Variants in KLHL29 observed in about 807,000 individuals in gnomAD.
The protein encoded by KLHL29 is kelch like family member 29.
Under a neutral mutation model 80.4 loss-of-function variants are expected in KLHL29, and 21 were observed. The observed-to-expected ratio is 0.26, with a 90% CI of 0.19 to 0.38. KLHL29 has a LOEUF of 0.38. KLHL29 is among the 10% of genes least tolerant of loss of function. The pLI is 1.00. For missense variants in KLHL29, 867 were observed against 1,223.9 expected (o/e 0.71, Z 4.35); for synonymous variants, 511 against 526.8 (o/e 0.97, Z 0.41).
chr2:23,629,618 G>A (rs1669418470), intron 3 of KLHL29, among the ~76,000 whole-genome samples: 1 of 152,190 alleles, frequency 6.6e-6, no homozygotes, highest in Non-Finnish European at 1.5e-5. Flanking sequence ...ACATTCCAGA[G>A]CACGGTGCAA....
At chr2:23,490,376 G>A (rs1572353390) in intron 2 of KLHL29, among the ~76,000 whole-genome samples, 1 of 152,128 alleles carries the variant, frequency 6.6e-6, no homozygotes, top group Non-Finnish European at 1.5e-5. Context: ...GACAACACTC[G>A]GACAGCACAC....
chr2:23,530,452 C>A (rs528316817), intron 2 of KLHL29, among the ~76,000 whole-genome samples: 1 of 152,282 alleles, frequency 6.6e-6, no homozygotes, highest in Non-Finnish European at 1.5e-5. Context: ...TCAATTAGAG[C>A]CATCTGCACG....
intron 1 of KLHL29, among the ~76,000 whole-genome samples, chr2:23,391,348 G>A (rs376751769): frequency 2.0e-5 from 3 of 152,172 alleles, no homozygotes; most frequent in African/African-American, 4.8e-5. Context: ...TGAGAATAAC[G>A]CTGCTGTGAA....
intron 2 of KLHL29, among the ~76,000 whole-genome samples, chr2:23,506,572 G>T (rs145942242): frequency 1.8e-4 from 27 of 152,330 alleles, no homozygotes; most frequent in Non-Finnish European, 3.2e-4. Context: ...TGGCCCAAGT[G>T]GGGTACTCAA....
At chr2:23,541,865 A>G (rs1436536448) in intron 2 of KLHL29, among the ~76,000 whole-genome samples, 1 of 151,804 alleles carries the variant, frequency 6.6e-6, no homozygotes, top group Non-Finnish European at 1.5e-5. Context: ...TGAGGCCCCA[A>G]GTCCAGATCC....
intron 2 of KLHL29, among the ~76,000 whole-genome samples, chr2:23,519,336 C>G (rs971812798): frequency 5.9e-5 from 9 of 152,090 alleles, no homozygotes; most frequent in Admixed American, 3.3e-4. Flanking sequence ...CCCCTCCCCC[C>G]CAGGCTCCCT....
intron 1 of KLHL29, among the ~76,000 whole-genome samples, chr2:23,436,993 A>C (rs1048026833): frequency 6.6e-6 from 1 of 152,198 alleles, no homozygotes; most frequent in Non-Finnish European, 1.5e-5. Flanking sequence ...CACACACCAG[A>C]AAGGAACTGG....
At chr2:23,508,845 C>G (rs1038014417) in intron 2 of KLHL29, among the ~76,000 whole-genome samples, 1 of 152,318 alleles carries the variant, frequency 6.6e-6, no homozygotes, top group East Asian at 1.9e-4. Flanking sequence ...CAGCCTAGCA[C>G]AGCAAAAGGC....
chr2:23,476,301 A>G (rs986926557), intron 2 of KLHL29, among the ~76,000 whole-genome samples: 3 of 152,034 alleles, frequency 2.0e-5, no homozygotes, highest in African/African-American at 7.3e-5. Context: ...TTTTATAATT[A>G]AGTTTTGGTA....
chr2:23,597,725 C>G (rs986858291), intron 3 of KLHL29, among the ~76,000 whole-genome samples: 2 of 152,054 alleles, frequency 1.3e-5, no homozygotes, highest in Non-Finnish European at 2.9e-5. Context: ...GTGCCCGGCC[C>G]TGTTCACCCG....
intron 1 of KLHL29, among the ~76,000 whole-genome samples, chr2:23,426,839 C>CG (rs1212292398): frequency 6.6e-6 from 1 of 152,168 alleles, no homozygotes; most frequent in Admixed American, 6.6e-5. Context: ...TGTGTTCTAG[C>CG]GGGGGGTGAT....
At chr2:23,659,178 ATGTGCGGGAGCTGAATGGTACCCCC>A (rs111987704) in intron 5 of KLHL29, among the ~76,000 whole-genome samples, 5 of 150,702 alleles carry the variant, frequency 3.3e-5, no homozygotes, top group African/African-American at 1.2e-4. Context: ...GAAACCTAGG[ATGTGCGGGAGCTGAATGGTACCCCC>A]TGGAGTTGTG....
At position 23,693,356 on chromosome 2, in the gene KLHL29, C is replaced by T. The variant is rs1179140156; in HGVS notation, c.1370C>T (p.Ala457Val). The T allele has an allele frequency of 3.9e-6, 6 of 1,551,550 alleles. No individual in the cohort carries two copies. The highest frequency in any genetic ancestry group is 2.7e-5 in the African/African-American group (2 of 73,036). ...QCSELYHMAK[A>V]FALQIFPEVA... ...AGCGAGCTCTACCACATGGCCAAGGCCTTCGCGCTGCAGATCTTCCCCGAG... is the reference window on the plus strand; with the variant it reads ...AGCGAGCTCTACCACATGGCCAAGGTCTTCGCGCTGCAGATCTTCCCCGAG... Residue 457 changes from alanine to valine, a missense_variant, in exon 8 of 14, where the codon GCC becomes GTC. Ala to Val is a moderately conservative substitution (Grantham distance 64). Around this residue, in one of 2 missense-constraint regions of KLHL29, gnomAD observed 443 missense variants for 767.0 expected, o/e 0.58. Transcript: ENST00000486442.
At chr2:23,451,795 G>A (rs62125375) in intron 1 of KLHL29, among the ~76,000 whole-genome samples, 2 of 152,158 alleles carry the variant, frequency 1.3e-5, no homozygotes, top group Admixed American at 1.3e-4. Flanking sequence ...TAATGTACTA[G>A]TCCATTCTTT....
At chr2:23,486,772 C>T (rs571621013) in intron 2 of KLHL29, among the ~76,000 whole-genome samples, 1 of 152,210 alleles carries the variant, frequency 6.6e-6, no homozygotes, top group African/African-American at 2.4e-5. Flanking sequence ...CTGGTGTCAA[C>T]AGGGCCCATC....
At chr2:23,485,876 T>TA (rs1280899751) in intron 2 of KLHL29, among the ~76,000 whole-genome samples, 1 of 152,240 alleles carries the variant, frequency 6.6e-6, no homozygotes, top group Non-Finnish European at 1.5e-5. Context: ...GTTAACATAA[T>TA]AAAGTGCCTA....
chr2:23,627,522 C>T (rs930758525), intron 3 of KLHL29, among the ~76,000 whole-genome samples: 4 of 152,230 alleles, frequency 2.6e-5, no homozygotes, highest in Admixed American at 2.0e-4. Context: ...CACACTCAGG[C>T]GCTGACTTGT....
At chr2:23,643,571 G>T in intron 5 of KLHL29, 1 of 158,216 alleles carries the variant, frequency 6.3e-6, no homozygotes, top group Non-Finnish European at 1.4e-5. Context: ...CATGGTCCTA[G>T]TTGGAGCCCC....
At chr2:23,572,030 G>C (rs1667728518) in intron 3 of KLHL29, among the ~76,000 whole-genome samples, 1 of 152,174 alleles carries the variant, frequency 6.6e-6, no homozygotes. Context: ...ACTCGCTGCT[G>C]CATACAGGGA....
Sources: gnomAD v4.1 joint callset for allele counts (sites outside exome capture counted in the v4.1 genomes callset) on GRCh38, gnomAD v4.1.1 for gene constraint, gnomAD v4.1.1 regional missense constraint, MANE v1.5 for transcripts, NCBI Gene and HGNC (gene_info 2026-07-23, HGNC 2026-07-21) for gene names.